The following PCDHGB3 variants were observed in gnomAD, a reference collection of about 807,000 sequenced individuals.
PCDHGB3 encodes the protein protocadherin gamma-B3.
In PCDHGB3, 40 loss-of-function variants were observed where a neutral mutation model predicts 59.2. The ratio of observed to expected loss-of-function variants is 0.68; its 90% CI spans 0.52 to 0.88. The LOEUF (loss-of-function observed/expected upper bound fraction) is 0.88. PCDHGB3 is among the 40% of genes least tolerant of loss of function. PCDHGB3 has a pLI of 0.00. For synonymous variants in PCDHGB3, 581 were observed against 503.6 expected, an observed-to-expected ratio of 1.15 and a Z score of -2.06; for missense variants, 1,309 against 1,187.9, an observed-to-expected ratio of 1.10 and a Z score of -1.50.
At chr5:141,373,405 C>A (rs1435253016) in intron 1 of PCDHGB3, among the ~76,000 whole-genome samples, 1 of 152,208 alleles carries the variant, frequency 6.6e-6, no homozygotes, top group Non-Finnish European at 1.5e-5. Context: ...TGCCTGTAGT[C>A]CCAGCTACTC....
rs201540226 is a variant in PCDHGB3, at chr5:141,399,196, G to T, written c.2415+26387G>T. On this transcript the variant is annotated intron_variant, in intron 1 of 3. Coordinates refer to ENST00000576222, the MANE Select transcript of PCDHGB3 (RefSeq NM_018924.5). ...ACTTGAAATGATTCTGGAAAACGCG[G>T]TGCCTGGAACACTAATTGCTTTGAT... The T allele has an allele frequency of 4.2e-5, 67 of 1,613,820 alleles. 1 individual carries two copies. In the African/African-American group the frequency reaches 5.7e-4, roughly 14 times the overall value.
chr5:141,504,550 G>A (rs944574179), intron 2 of PCDHGB3, among the ~76,000 whole-genome samples: 2 of 151,586 alleles, frequency 1.3e-5, no homozygotes, highest in Non-Finnish European at 2.9e-5. Context: ...GCAAATGTTG[G>A]GGGACTGGCA....
At chr5:141,482,901 A>T (rs192886570) in intron 1 of PCDHGB3, among the ~76,000 whole-genome samples, 2 of 152,240 alleles carry the variant, frequency 1.3e-5, no homozygotes, top group African/African-American at 4.8e-5. Flanking sequence ...GTGAAACCTC[A>T]TCTCTATTAA....
In PCDHGB3 at chr5:141,414,973, A is replaced by G. The variant is rs533056439; in HGVS notation, c.2415+42164A>G. 1.9e-5 allele frequency: 30 copies of G among 1,613,870 alleles called. No homozygotes were observed. The African/African-American group carries it at 3.7e-4, about 20-fold the overall frequency. Reference sequence around the variant, plus strand: ...GGTGACCAAGGTGGTGGCGGTGGACAGAGACTCCGGCCAGAACGCCTGGCT... The same window carrying G: ...GGTGACCAAGGTGGTGGCGGTGGACGGAGACTCCGGCCAGAACGCCTGGCT... On this transcript the variant is annotated intron_variant, in intron 1 of 3. Transcript: ENST00000576222.
At chr5:141,475,992 C>A in intron 1 of PCDHGB3, 1 of 1,158,844 alleles carries the variant, frequency 8.6e-7, no homozygotes, top group Non-Finnish European at 1.2e-6. Context: ...GCGAGCAAAT[C>A]AACGGCATCC....
intron 1 of PCDHGB3, chr5:141,417,227 T>G (rs2096097098): frequency 6.6e-6 from 1 of 152,172 alleles, no homozygotes; most frequent in South Asian, 2.1e-4. Flanking sequence ...ACAAAAAAAT[T>G]TGTTGCTTAT....
chr5:141,457,428 C>G (rs72790053), intron 1 of PCDHGB3, among the ~76,000 whole-genome samples: 1,866 of 152,262 alleles, frequency 0.012, 18 homozygotes, highest in Non-Finnish European at 0.017. Context: ...TTTTTCCCCC[C>G]CACCAAGCTG....
chr5:141,422,973 T>G (rs1157516415), intron 1 of PCDHGB3: 1 of 1,614,102 alleles, frequency 6.2e-7, no homozygotes, highest in Non-Finnish European at 8.5e-7. Flanking sequence ...CGCCCCGCTC[T>G]GCGGAACCTG....
intron 1 of PCDHGB3, among the ~76,000 whole-genome samples, chr5:141,429,880 G>A (rs1209368869): frequency 6.6e-6 from 1 of 152,104 alleles, no homozygotes; most frequent in Non-Finnish European, 1.5e-5. Context: ...CTTTTACTAA[G>A]TTTCCTGAAC....
chr5:141,506,801 C>A (rs1322016728), intron 3 of PCDHGB3, among the ~76,000 whole-genome samples: 2 of 152,166 alleles, frequency 1.3e-5, no homozygotes, highest in Non-Finnish European at 2.9e-5. Flanking sequence ...GGCAGAGGAT[C>A]AAGGCATTGC....
intron 1 of PCDHGB3, chr5:141,383,629 C>G: frequency 6.2e-7 from 1 of 1,613,960 alleles, no homozygotes; most frequent in Non-Finnish European, 8.5e-7. Context: ...TGTCTTCTCT[C>G]TGCCTCAGTA....
chr5:141,383,093 G>C, intron 1 of PCDHGB3: 1 of 1,613,930 alleles, frequency 6.2e-7, no homozygotes. Context: ...CGCGGAGTCC[G>C]CATCATCTCC....
At chr5:141,408,714 A>G (rs771519650) in intron 1 of PCDHGB3, 8 of 1,612,346 alleles carry the variant, frequency 5.0e-6, no homozygotes, top group Non-Finnish European at 6.8e-6. Context: ...AAAGATTATA[A>G]GATAAACTCT....
intron 1 of PCDHGB3, chr5:141,404,536 G>A: frequency 6.2e-7 from 1 of 1,613,922 alleles, no homozygotes; most frequent in Non-Finnish European, 8.5e-7. Flanking sequence ...TTAGAGATTT[G>A]CAAATGCAGG....
intron 1 of PCDHGB3, among the ~76,000 whole-genome samples, chr5:141,381,021 A>C (rs1337045827): frequency 6.6e-6 from 1 of 152,244 alleles, no homozygotes; most frequent in Non-Finnish European, 1.5e-5. Context: ...TACCTCTATT[A>C]GTTCCTTTAA....
intron 1 of PCDHGB3, among the ~76,000 whole-genome samples, chr5:141,461,764 C>T (rs1005862192): frequency 6.6e-6 from 1 of 152,118 alleles, no homozygotes; most frequent in East Asian, 1.9e-4. Context: ...AGCGATTCTC[C>T]TGCCTCAGCC....
intron 2 of PCDHGB3, among the ~76,000 whole-genome samples, chr5:141,499,689 CTTTTT>C (rs545067566): frequency 3.3e-5 from 4 of 119,852 alleles, no homozygotes; most frequent in Non-Finnish European, 3.5e-5. Flanking sequence ...TAACAGATGA[CTTTTT>C]TTTTTTTTTT....
In PCDHGB3 at chr5:141,476,501, A is replaced by G; in HGVS notation, c.2416-18306A>G. 1.2e-6 allele frequency: 2 copies of G among 1,614,026 alleles called. No homozygotes were observed. Among genetic ancestry groups the G allele is most frequent in the Non-Finnish European group, 1.7e-6 (2 of 1,180,006 alleles). On this transcript the variant is annotated intron_variant, in intron 1 of 3. Coordinates refer to ENST00000576222, the MANE Select transcript of PCDHGB3 (RefSeq NM_018924.5). The surrounding 1 kb of genome is among the most constrained non-coding windows in gnomAD (Gnocchi z 7.6). ...CGTGGAAGTGGTGATCCAGGACATCAACGACAACAATCCTGCTTTCCCTAC... is the reference window on the plus strand; with the variant it reads ...CGTGGAAGTGGTGATCCAGGACATCGACGACAACAATCCTGCTTTCCCTAC...
At chr5:141,451,954 G>A (rs2098729151) in intron 1 of PCDHGB3, among the ~76,000 whole-genome samples, 1 of 152,084 alleles carries the variant, frequency 6.6e-6, no homozygotes, top group Non-Finnish European at 1.5e-5. Flanking sequence ...CCGAGAAAGT[G>A]ACATACCATC....
Sources: gnomAD v4.1 joint callset for allele counts (sites outside exome capture counted in the v4.1 genomes callset) on GRCh38, gnomAD v4.1.1 for gene constraint, Gnocchi (gnomAD v3.1) non-coding constraint, MANE v1.5 for transcripts, NCBI Gene and HGNC (gene_info 2026-07-23, HGNC 2026-07-21) for gene names.